Variants in HIGD1C observed in about 807,000 individuals in gnomAD.
HIGD1C encodes the protein HIG1 domain family member 1C.
A neutral mutation model predicts 13.1 loss-of-function variants in HIGD1C; 11 were observed. The ratio of observed to expected loss-of-function variants is 0.84; its 90% CI spans 0.53 to 1.39. HIGD1C has a LOEUF of 1.39. Among genes scored for constraint, HIGD1C ranks in the 40% most tolerant of loss-of-function variants. The probability of loss-of-function intolerance (pLI) is 0.00; values close to 1 mark genes in which losing one functional copy is unlikely to be tolerated. For synonymous variants in HIGD1C, 36 were observed against 37.7 expected (o/e 0.95, Z 0.17); for missense variants, 110 against 112.0 (o/e 0.98, Z 0.08).
intron 1 of HIGD1C, among the ~76,000 whole-genome samples, chr12:50,957,570 G>T (rs1004182306): frequency 2.0e-5 from 3 of 151,638 alleles, no homozygotes; most frequent in African/African-American, 7.3e-5. Flanking sequence ...CTAACAAGAA[G>T]CATCTGGAAA....
At position 50,961,113 on chromosome 12, in the gene HIGD1C, T is replaced by G. The variant is rs751907670; in HGVS notation, c.229+11T>G. The G allele has an allele frequency of 8.7e-6, 14 of 1,613,184 alleles. No homozygotes were observed. Among genetic ancestry groups the G allele is most frequent in the African/African-American group, 1.3e-5 (1 of 74,906 alleles). On this transcript the variant is annotated intron_variant, in intron 2 of 2. Transcript: ENST00000398455. ...GAGCTGTGACTCTAGGTAACCCGCT[T>G]AATTTGTATCTTATGTTCAGCTGTC...
the HIGD1C span, among the ~76,000 whole-genome samples, chr12:50,941,409 C>T: frequency 6.6e-6 from 1 of 152,156 alleles, no homozygotes; most frequent in African/African-American, 2.4e-5. Context: ...TTCTGGGCTC[C>T]TGAGTAAAAT....
At chr12:50,935,464 A>G in the HIGD1C span, 1 of 152,162 alleles carries the variant, frequency 6.6e-6, no homozygotes, top group Admixed American at 6.5e-5. Context: ...GAACTAGGAA[A>G]ATTACCATTC....
At chr12:50,943,224 T>C in the HIGD1C span, among the ~76,000 whole-genome samples, 2 of 152,258 alleles carry the variant, frequency 1.3e-5, no homozygotes, top group African/African-American at 4.8e-5. Flanking sequence ...TCTGGCCCTG[T>C]TGGTCCTCAC....
At chr12:50,955,642 C>CG (rs1939065656) in intron 1 of HIGD1C, among the ~76,000 whole-genome samples, 1 of 152,170 alleles carries the variant, frequency 6.6e-6, no homozygotes, top group African/African-American at 2.4e-5. Flanking sequence ...TCATTATTCA[C>CG]ATATCAAGAA....
chr12:50,935,210 G>C, the HIGD1C span: 7 of 152,164 alleles, frequency 4.6e-5, no homozygotes, highest in Admixed American at 3.9e-4. Context: ...AAGGCAAACT[G>C]TTCAGTATCA....
the HIGD1C span, among the ~76,000 whole-genome samples, chr12:50,932,939 C>T: frequency 2.6e-5 from 4 of 152,170 alleles, no homozygotes; most frequent in South Asian, 4.1e-4. Flanking sequence ...CTTAATCCAA[C>T]CATCTCACTA....
At chr12:50,957,911 A>G (rs1020717906) in intron 1 of HIGD1C, among the ~76,000 whole-genome samples, 3 of 149,648 alleles carry the variant, frequency 2.0e-5, no homozygotes, top group Non-Finnish European at 1.5e-5. Flanking sequence ...ACAAAAATGG[A>G]GAGACTACTG....
upstream of HIGD1C, among the ~76,000 whole-genome samples, chr12:50,950,193 C>G (rs17125116): frequency 0.19 from 28,938 of 151,974 alleles, 3,134 homozygotes; most frequent in East Asian, 0.5. Context: ...GATGGGCCAG[C>G]GTCTTCAAGG....
intron 2 of HIGD1C, 40 bp downstream of exon 4, chr12:50,961,142 G>A: frequency 1.9e-6 from 3 of 1,600,392 alleles, no homozygotes; most frequent in South Asian, 2.2e-5. Context: ...AGCTGTCTTT[G>A]AGAGTACATT....
chr12:50,956,112 C>T (rs527709810), intron 1 of HIGD1C, among the ~76,000 whole-genome samples: 3 of 152,334 alleles, frequency 2.0e-5, no homozygotes, highest in Admixed American at 2.0e-4. Flanking sequence ...ATTTGGTAGG[C>T]TGGGCACAGT....
At chr12:50,969,776 T>C (rs1326172944) in intron 2 of HIGD1C, among the ~76,000 whole-genome samples, 1 of 151,778 alleles carries the variant, frequency 6.6e-6, no homozygotes, top group African/African-American at 2.4e-5. Context: ...AGAAGAGGGA[T>C]CTAATTTCAA....
At chr12:50,960,765 C>A (rs1433815799) in intron 1 of HIGD1C, among the ~76,000 whole-genome samples, 1 of 152,066 alleles carries the variant, frequency 6.6e-6, no homozygotes, top group African/African-American at 2.4e-5. Flanking sequence ...TCACTGAAGC[C>A]CTGAACTCCT....
At chr12:50,955,783 C>A (rs541000545) in intron 1 of HIGD1C, among the ~76,000 whole-genome samples, 6 of 151,916 alleles carry the variant, frequency 3.9e-5, no homozygotes, top group Admixed American at 2.0e-4. Context: ...AAAAAAAATT[C>A]GAAAACTCAA....
chr12:50,942,933 T>A, the HIGD1C span, among the ~76,000 whole-genome samples: 1 of 151,112 alleles, frequency 6.6e-6, no homozygotes, highest in Non-Finnish European at 1.5e-5. Context: ...TGGCATGATC[T>A]CGGCTCACTG....
At chr12:50,947,734 C>T in the HIGD1C span, among the ~76,000 whole-genome samples, 1 of 152,126 alleles carries the variant, frequency 6.6e-6, no homozygotes, top group Non-Finnish European at 1.5e-5. Context: ...ATCAGCGAAA[C>T]CAGCAAATAT....
chr12:50,961,089 A>G, exon 2 of HIGD1C: 1 of 1,613,904 alleles, frequency 6.2e-7, no homozygotes, highest in Non-Finnish European at 8.5e-7. Flanking sequence ...TTGTTGTTGG[A>G]GCTGTGACTC....
chr12:50,940,316 G>A, the HIGD1C span, among the ~76,000 whole-genome samples: 7 of 152,148 alleles, frequency 4.6e-5, no homozygotes, highest in Non-Finnish European at 8.8e-5. Context: ...ATTCTATCTT[G>A]CCTATCAGGT....
downstream of HIGD1C, among the ~76,000 whole-genome samples, chr12:50,972,225 A>G (rs1435289820): frequency 1.3e-5 from 2 of 152,248 alleles, no homozygotes; most frequent in African/African-American, 4.8e-5. Context: ...ACTCAGCACT[A>G]AAAATAGATT....
Sources: allele counts gnomAD v4.1 joint callset (sites outside exome capture counted in the v4.1 genomes callset), GRCh38; gene constraint gnomAD v4.1.1; transcripts MANE v1.5; gene names NCBI Gene and HGNC (gene_info 2026-07-23, HGNC 2026-07-21).